CRISP2: variants seen among roughly 807,000 people sequenced by gnomAD.
CRISP2 encodes cysteine-rich secretory protein 2.
A neutral mutation model predicts 31.7 loss-of-function variants in CRISP2; 29 were observed. That is an observed-to-expected ratio of 0.92 (90% CI 0.68 to 1.25). The LOEUF (loss-of-function observed/expected upper bound fraction) is 1.25. CRISP2 is among the 50% of genes most tolerant of loss of function. The pLI is 0.00. For synonymous variants in CRISP2, 111 were observed against 101.4 expected (o/e 1.09, Z -0.57); for missense variants, 318 against 286.5 (o/e 1.11, Z -0.79).
chr6:49,697,561 T>C, intron 8 of CRISP2: 1 of 481,492 alleles, frequency 2.1e-6, no homozygotes, highest in Non-Finnish European at 3.6e-6. Flanking sequence ...ATGATACCAA[T>C]TCTAGAGAAA....
chr6:49,689,749 A>G (rs982618200), downstream of CRISP2, among the ~76,000 whole-genome samples: 1 of 152,112 alleles, frequency 6.6e-6, no homozygotes, highest in African/African-American at 2.4e-5. Flanking sequence ...GAGTAAATGG[A>G]GGAACTTATC....
chr6:49,683,720 TATAG>T, the CRISP2 span, among the ~76,000 whole-genome samples: 1 of 111,560 alleles, frequency 9.0e-6, no homozygotes, highest in African/African-American at 3.3e-5. Context: ...TATATATATA[TATAG>T]AAGTTGATAG....
chr6:49,686,218 A>G, the CRISP2 span, among the ~76,000 whole-genome samples: 1 of 152,216 alleles, frequency 6.6e-6, no homozygotes, highest in East Asian at 1.9e-4. Flanking sequence ...TTCATTTTAA[A>G]AGCTGCATAA....
chr6:49,705,490 C>T (rs2127424958), intron 4 of CRISP2, among the ~76,000 whole-genome samples: 1 of 152,284 alleles, frequency 6.6e-6, no homozygotes, highest in African/African-American at 2.4e-5. Flanking sequence ...CATTTCCCAC[C>T]TACTGCAGCT....
At chr6:49,680,897 C>T in the CRISP2 span, among the ~76,000 whole-genome samples, 2 of 152,122 alleles carry the variant, frequency 1.3e-5, no homozygotes, top group African/African-American at 4.8e-5. Context: ...GATATTAGAC[C>T]TTTGTCAGAT....
chr6:49,702,283 C>CT (rs1184249944), intron 4 of CRISP2, among the ~76,000 whole-genome samples: 2 of 148,548 alleles, frequency 1.3e-5, no homozygotes, highest in South Asian at 4.2e-4. Context: ...GTGCAAGTGT[C>CT]TTTTTTTCAT....
intron 4 of CRISP2, among the ~76,000 whole-genome samples, chr6:49,704,099 T>C (rs957129494): frequency 4.6e-5 from 7 of 152,288 alleles, no homozygotes; most frequent in African/African-American, 1.7e-4. Flanking sequence ...TCAAAAGCCA[T>C]ATCTTCAAGC....
chr6:49,679,106 C>T, the CRISP2 span, among the ~76,000 whole-genome samples: 1 of 152,104 alleles, frequency 6.6e-6, no homozygotes, highest in Admixed American at 6.6e-5. Flanking sequence ...TGAACATTTT[C>T]CTATAAAGGC....
At chr6:49,685,965 A>G in the CRISP2 span, among the ~76,000 whole-genome samples, 4 of 152,064 alleles carry the variant, frequency 2.6e-5, no homozygotes, top group African/African-American at 9.6e-5. Context: ...TTCTTACACC[A>G]TTGTCATCCT....
chr6:49,706,352 T>C (rs892178714), intron 4 of CRISP2, among the ~76,000 whole-genome samples: 7 of 152,282 alleles, frequency 4.6e-5, no homozygotes, highest in Admixed American at 2.0e-4. Context: ...ATTTTATGGG[T>C]TGCTTAAAAG....
At chr6:49,709,662 C>G (rs1016072481) in intron 3 of CRISP2, among the ~76,000 whole-genome samples, 5 of 152,154 alleles carry the variant, frequency 3.3e-5, no homozygotes, top group African/African-American at 1.2e-4. Flanking sequence ...TTATACCAGA[C>G]TCTAATTAAG....
chr6:49,709,592 A>G (rs926913211), intron 3 of CRISP2, among the ~76,000 whole-genome samples: 2 of 152,214 alleles, frequency 1.3e-5, no homozygotes, highest in African/African-American at 4.8e-5. Context: ...TTTATTTTCA[A>G]TATGTACCAT....
At chr6:49,698,603 G>T (rs1463248679) in intron 6 of CRISP2, 96 bp from the exon 7 acceptor site, 8 of 1,285,076 alleles carry the variant, frequency 6.2e-6, no homozygotes, top group African/African-American at 3.0e-5. Context: ...CAAACCCAGG[G>T]TCCAGCAGAT....
chr6:49,713,749 G>A (rs1232129424), upstream of CRISP2, among the ~76,000 whole-genome samples: 2 of 152,170 alleles, frequency 1.3e-5, no homozygotes, highest in Non-Finnish European at 2.9e-5. Context: ...CAGTTGATGA[G>A]GAAAGAAAAT....
Position 49,694,211 on chromosome 6 carries a change from G to T in CRISP2, c.605-1311C>A, listed in dbSNP as rs375883967. Among the ~76,000 whole-genome samples the T allele has an allele frequency of 1.1e-4, 16 of 152,266 alleles. No homozygotes were observed. The East Asian group carries it at 2.5e-3, about 24-fold the overall frequency. Reference sequence around the variant, plus strand: ...AGAAGGGTGACATGGACAATTCCCTGGATGCCACAGCTGGCACTGTGCCTT... The same window carrying T: ...AGAAGGGTGACATGGACAATTCCCTTGATGCCACAGCTGGCACTGTGCCTT... On this transcript the variant is annotated intron_variant, in intron 9 of 9. Transcript: ENST00000339139.
chr6:49,679,220 G>A, the CRISP2 span, among the ~76,000 whole-genome samples: 1 of 152,010 alleles, frequency 6.6e-6, no homozygotes, highest in Non-Finnish European at 1.5e-5. Flanking sequence ...AGATACTTAT[G>A]CACCAAGTAT....
intron 9 of CRISP2, among the ~76,000 whole-genome samples, chr6:49,693,392 C>T (rs1219703765): frequency 6.6e-6 from 1 of 152,104 alleles, no homozygotes; most frequent in Non-Finnish European, 1.5e-5. Flanking sequence ...AGACTCTTTC[C>T]ATCATATCAT....
chr6:49,687,400 T>C (rs1239424202), downstream of CRISP2, among the ~76,000 whole-genome samples: 1 of 152,254 alleles, frequency 6.6e-6, no homozygotes, highest in Non-Finnish European at 1.5e-5. Flanking sequence ...AAAATTTCTT[T>C]TTCTTACATC....
chr6:49,695,929 A>G lies in CRISP2; in HGVS notation c.516-5T>C, dbSNP rs1480745097. ...TTTCTATTCATATTATTACCACTGA[A>G]ATTTGAAATACATGTCAAATATTTT... On this transcript the variant is annotated splice_region_variant and splice_polypyrimidine_tract_variant and intron_variant, in intron 8 of 9. Coordinates refer to ENST00000339139, the MANE Select transcript of CRISP2 (RefSeq NM_003296.4). 1.9e-6 allele frequency: 3 copies of G among 1,588,140 alleles called. No individual in the cohort carries two copies. In the African/African-American group the frequency reaches 4.0e-5, roughly 21 times the overall value.
Sources: allele counts gnomAD v4.1 joint callset (sites outside exome capture counted in the v4.1 genomes callset), GRCh38; gene constraint gnomAD v4.1.1; transcripts MANE v1.5; gene names NCBI Gene and HGNC (gene_info 2026-07-23, HGNC 2026-07-21).